Variants in TANC2 observed in about 807,000 individuals in gnomAD.
TANC2 encodes the protein tetratricopeptide repeat, ankyrin repeat and coiled-coil containing 2, also known as protein TANC2.
A neutral mutation model predicts 210.5 loss-of-function variants in TANC2; 26 were observed. The ratio of observed to expected loss-of-function variants is 0.12; its 90% CI spans 0.09 to 0.17. TANC2 has a LOEUF of 0.17. Ranked by LOEUF, TANC2 falls within the 10% of genes least tolerant of loss-of-function variation. The pLI, the probability that TANC2 is intolerant of heterozygous loss-of-function variation, is 1.00. For missense variants in TANC2, 2,129 were observed against 2,608.9 expected, an observed-to-expected ratio of 0.82 and a Z score of 4.01; for synonymous variants, 931 against 967.1, an observed-to-expected ratio of 0.96 and a Z score of 0.69.
At chr17:63,140,501 C>G (rs542673304) in intron 4 of TANC2, among the ~76,000 whole-genome samples, 11 of 152,294 alleles carry the variant, frequency 7.2e-5, no homozygotes, top group African/African-American at 2.6e-4. Context: ...AAGAGATACA[C>G]TGTAGAATCA....
chr17:63,039,474 T>C lies in TANC2; in HGVS notation c.67+29848T>C, dbSNP rs1278893820. 3.3e-5 allele frequency among the ~76,000 whole-genome samples: 5 copies of C among 152,290 alleles called. No individual in the cohort carries two copies. In the East Asian group the frequency reaches 9.6e-4, roughly 29 times the overall value. The stretch of plus-strand genomic sequence containing the variant: ...CAGGCTGCAGCTGGAGGATTTTACG[T>C]AGGCACCTGTGGGTTTGAGTGCGTT... On this transcript the variant is annotated intron_variant, in intron 2 of 27. Coordinates refer to ENST00000689528, the Ensembl canonical transcript of TANC2.
intron 1 of TANC2, among the ~76,000 whole-genome samples, chr17:62,980,426 A>G (rs540780413): frequency 2.7e-4 from 41 of 152,210 alleles, no homozygotes; most frequent in Non-Finnish European, 4.0e-4. Context: ...TGACAACTCA[A>G]AGGAAATGTT....
rs538594849 is a variant in TANC2, at chr17:63,129,125, G to A, written c.323-22145G>A. 5.3e-5 allele frequency among the ~76,000 whole-genome samples: 8 copies of A among 152,110 alleles called. No individual in the cohort carries two copies. The East Asian group carries it at 9.7e-4, about 18-fold the overall frequency. ...TCCTCCCACCTCAGCCTCCAAAATA[G>A]CTGGGACTACAGATGCTACACCATG... On this transcript the variant is annotated intron_variant, in intron 4 of 27. Transcript: ENST00000689528.
chr17:63,194,595 G>C lies in TANC2; in HGVS notation c.582+456G>C, dbSNP rs16946789. On this transcript the variant is annotated intron_variant, in intron 6 of 27. Transcript: ENST00000689528. The stretch of plus-strand genomic sequence containing the variant: ...AAAGATTACTTGGATCATTAGTTCA[G>C]ATTTTCTACTTTTCTGAAATACACA... Among the ~76,000 whole-genome samples the C allele has an allele frequency of 6.1e-3, 928 of 152,194 alleles. 10 individuals are homozygous for C. Among genetic ancestry groups the C allele is most frequent in the African/African-American group, 0.021 (891 of 41,530 alleles).
chr17:63,245,285 TC>T (rs1221161286), intron 8 of TANC2, among the ~76,000 whole-genome samples: 1 of 152,210 alleles, frequency 6.6e-6, no homozygotes, highest in African/African-American at 2.4e-5. Flanking sequence ...TTTTTGAAAT[TC>T]ATCCATAGTT....
At chr17:63,213,206 T>C (rs2041935498) in intron 7 of TANC2, among the ~76,000 whole-genome samples, 1 of 152,228 alleles carries the variant, frequency 6.6e-6, no homozygotes, top group East Asian at 1.9e-4. Context: ...AAAAGGGCTA[T>C]GTTTCTGGCA....
chr17:63,358,845 G>A (rs1272985567), intron 14 of TANC2, among the ~76,000 whole-genome samples: 1 of 152,078 alleles, frequency 6.6e-6, no homozygotes, highest in Non-Finnish European at 1.5e-5. Flanking sequence ...TCCAGTTACT[G>A]CTTAATATTT....
At chr17:63,342,081 T>C (rs754148169) in intron 12 of TANC2, among the ~76,000 whole-genome samples, 57 of 152,186 alleles carry the variant, frequency 3.7e-4, no homozygotes, top group Non-Finnish European at 7.2e-4. Flanking sequence ...GCTTAAATGC[T>C]ACCTCATTCA....
intron 2 of TANC2, among the ~76,000 whole-genome samples, chr17:63,050,359 GAA>G (rs755089558): frequency 1.3e-4 from 11 of 84,822 alleles, no homozygotes; most frequent in Admixed American, 1.3e-4. Flanking sequence ...CCTGTTTCAA[GAA>G]AAAAAAAAAA....
Position 63,389,295 on chromosome 17 carries a change from T to G in TANC2, c.2815-13T>G. On this transcript the variant is annotated splice_polypyrimidine_tract_variant and intron_variant, in intron 16 of 27. Transcript: ENST00000689528. Reference sequence around the variant, plus strand: ...TGTTTGTCTAATTATTAGTTCTGTTTGTTTATTTCTAGGTCAGCCGACTGC... The same window carrying G: ...TGTTTGTCTAATTATTAGTTCTGTTGGTTTATTTCTAGGTCAGCCGACTGC... 2 of 1,599,484 alleles carry G rather than the reference T, an allele frequency of 1.3e-6. No homozygotes were observed. Among genetic ancestry groups the G allele is most frequent in the Non-Finnish European group, 1.7e-6 (2 of 1,168,778 alleles).
chr17:63,255,052 A>C (rs1419206351), intron 8 of TANC2, among the ~76,000 whole-genome samples: 1 of 148,786 alleles, frequency 6.7e-6, no homozygotes, highest in Non-Finnish European at 1.5e-5. Context: ...GATTGGGAAT[A>C]GTTATTTTTT....
chr17:63,286,596 T>C (rs1402435786), intron 9 of TANC2, among the ~76,000 whole-genome samples: 2 of 152,232 alleles, frequency 1.3e-5, no homozygotes, highest in Non-Finnish European at 2.9e-5. Flanking sequence ...TTTATTCATG[T>C]TTCTTAAACT....
intron 5 of TANC2, among the ~76,000 whole-genome samples, chr17:63,156,763 AGGCATACT>A (rs1005398031): frequency 1.3e-5 from 2 of 151,560 alleles, no homozygotes; most frequent in Admixed American, 1.3e-4. Flanking sequence ...TATGTTGCCT[AGGCATACT>A]GCAACCACCA....
chr17:63,279,662 A>G lies in TANC2; in HGVS notation c.1159+11789A>G, dbSNP rs936191512. On this transcript the variant is annotated intron_variant, in intron 9 of 27. Transcript: ENST00000689528. ...ACCTGTCATATCACATAATGTTTTC[A>G]AAGGACTGAAAGTCTTAGACTAGGT... is the stretch of plus-strand genomic sequence containing the variant. 3.3e-5 allele frequency among the ~76,000 whole-genome samples: 5 copies of G among 152,244 alleles called. No individual in the cohort carries two copies. The South Asian group carries it at 8.3e-4, about 25-fold the overall frequency.
In TANC2 at chr17:63,418,532, A is replaced by G; in HGVS notation, c.4268+125A>G. On this transcript the variant is annotated intron_variant, in intron 27 of 27. Transcript: ENST00000689528. This position sits in a 1 kb window ranked among gnomAD's most constrained non-coding sequence, Gnocchi z 4.6. Reference sequence around the variant, plus strand: ...TCTGTCCTTGAGAACTGTCAGGGCCAAGCTTTGGGGATGGCTCCCATAGCA... The same window carrying G: ...TCTGTCCTTGAGAACTGTCAGGGCCGAGCTTTGGGGATGGCTCCCATAGCA... 1.2e-6 allele frequency: 1 copy of G among 824,092 alleles called. No individual in the cohort carries two copies. Among genetic ancestry groups the G allele is most frequent in the Non-Finnish European group, 1.9e-6 (1 of 530,330 alleles). 51.0% of individuals were successfully genotyped at this position (824,092 alleles called of 1,614,324 possible). A position where few individuals can be genotyped will look rare whatever the true frequency, so the allele number is the denominator to read the frequency against.
At chr17:63,206,103 C>T (rs1416586332) in intron 7 of TANC2, among the ~76,000 whole-genome samples, 1 of 152,100 alleles carries the variant, frequency 6.6e-6, no homozygotes, top group Non-Finnish European at 1.5e-5. Flanking sequence ...AAAAGATATT[C>T]AACATTACTA....
intron 1 of TANC2, among the ~76,000 whole-genome samples, chr17:62,977,830 C>T (rs756663587): frequency 1.1e-4 from 17 of 152,132 alleles, no homozygotes; most frequent in Admixed American, 9.2e-4. Flanking sequence ...GAGTAGCCAA[C>T]GTTAACCAAC....
At chr17:63,254,421 C>T (rs1016964645) in intron 8 of TANC2, among the ~76,000 whole-genome samples, 1 of 152,110 alleles carries the variant, frequency 6.6e-6, no homozygotes, top group Non-Finnish European at 1.5e-5. Context: ...CATCTGCAAA[C>T]AAAAATAATT....
chr17:63,423,416 C>G (rs1469304146), exon 28 of TANC2: 3 of 152,218 alleles, frequency 2.0e-5, no homozygotes, highest in Non-Finnish European at 4.4e-5. Flanking sequence ...ACATTGGAAC[C>G]AAAGCCTCGG....
Sources: gnomAD v4.1 joint callset for allele counts (sites outside exome capture counted in the v4.1 genomes callset) on GRCh38, gnomAD v4.1.1 for gene constraint, Gnocchi (gnomAD v3.1) non-coding constraint, MANE v1.5 for transcripts, NCBI Gene and HGNC (gene_info 2026-07-23, HGNC 2026-07-21) for gene names.